TRPS1: variants seen among roughly 807,000 people sequenced by gnomAD.
TRPS1 encodes transcriptional repressor GATA binding 1, also known as zinc finger transcription factor Trps1.
A neutral mutation model predicts 101.2 loss-of-function variants in TRPS1; 6 were observed. That is an observed-to-expected ratio of 0.06 (90% CI 0.03 to 0.12). TRPS1 has a LOEUF of 0.12. Ranked by LOEUF, TRPS1 falls within the 10% of genes least tolerant of loss-of-function variation. TRPS1 has a pLI of 1.00. For missense variants in TRPS1, 1,363 were observed against 1,567.0 expected (o/e 0.87, Z 2.20); for synonymous variants, 578 against 589.8 (o/e 0.98, Z 0.29).
chr8:115,637,832 C>A (rs1487020779), intron 1 of TRPS1, among the ~76,000 whole-genome samples: 6 of 152,202 alleles, frequency 3.9e-5, no homozygotes, highest in Non-Finnish European at 8.8e-5. Flanking sequence ...GATCAACTCA[C>A]TAACTTAGCT....
At chr8:115,620,995 A>T (rs1818380274) in intron 2 of TRPS1, among the ~76,000 whole-genome samples, 1 of 152,234 alleles carries the variant, frequency 6.6e-6, no homozygotes, top group Non-Finnish European at 1.5e-5. Flanking sequence ...GCAGTTTGCT[A>T]TGGTTCACCT....
At chr8:115,438,134 AGT>A (rs1813502768) in intron 5 of TRPS1, among the ~76,000 whole-genome samples, 1 of 152,246 alleles carries the variant, frequency 6.6e-6, no homozygotes, top group African/African-American at 2.4e-5. Flanking sequence ...ATGTAAACCT[AGT>A]ACCATATAGT....
intron 5 of TRPS1, among the ~76,000 whole-genome samples, chr8:115,535,302 T>TAGAGC (rs1563583145): frequency 1.3e-4 from 16 of 121,722 alleles, no homozygotes; most frequent in African/African-American, 2.6e-4. Flanking sequence ...ATAGCATATA[T>TAGAGC]ATAGCATATA....
intron 5 of TRPS1, among the ~76,000 whole-genome samples, chr8:115,489,096 C>T (rs1240594665): frequency 6.6e-6 from 1 of 152,182 alleles, no homozygotes; most frequent in Non-Finnish European, 1.5e-5. Flanking sequence ...TCTCATCCTC[C>T]ACATCCTGCC....
chr8:115,635,300 C>T (rs929710593), intron 1 of TRPS1, among the ~76,000 whole-genome samples: 3 of 151,760 alleles, frequency 2.0e-5, no homozygotes, highest in African/African-American at 4.8e-5. Context: ...TTTTTTTTTC[C>T]CCAGAAACCA....
intron 5 of TRPS1, among the ~76,000 whole-genome samples, chr8:115,572,510 T>A (rs1458846958): frequency 6.6e-6 from 1 of 152,174 alleles, no homozygotes; most frequent in African/African-American, 2.4e-5. Flanking sequence ...ACTCTTTTTT[T>A]CTTGTGCTGT....
chr8:115,509,591 A>G (rs930710994), intron 5 of TRPS1: 3 of 152,090 alleles, frequency 2.0e-5, no homozygotes, highest in Admixed American at 6.6e-5. Context: ...TAATGTTCTT[A>G]TCATTTTACA....
chr8:115,537,211 A>C (rs1037278655), intron 5 of TRPS1, among the ~76,000 whole-genome samples: 1 of 152,200 alleles, frequency 6.6e-6, no homozygotes. Flanking sequence ...TCTAAATCTT[A>C]GATGTTGTGT....
At chr8:115,595,772 T>A (rs1817770862) in intron 4 of TRPS1, among the ~76,000 whole-genome samples, 2 of 151,942 alleles carry the variant, frequency 1.3e-5, no homozygotes, top group Admixed American at 6.6e-5. Context: ...CAAGACTTGA[T>A]AACTGTTCTT....
chr8:115,426,883 G>A (rs1813200553), intron 5 of TRPS1, among the ~76,000 whole-genome samples: 2 of 152,064 alleles, frequency 1.3e-5, no homozygotes, highest in South Asian at 4.1e-4. Context: ...TTTTATTGAT[G>A]AAGTACAAAA....
At chr8:115,442,761 A>T (rs984403361) in intron 5 of TRPS1, among the ~76,000 whole-genome samples, 5 of 151,822 alleles carry the variant, frequency 3.3e-5, no homozygotes, top group African/African-American at 1.2e-4. Context: ...CAGGAGTTTG[A>T]GACCAGCCTG....
At chr8:115,572,567 T>TA (rs1447534039) in intron 5 of TRPS1, among the ~76,000 whole-genome samples, 1 of 152,210 alleles carries the variant, frequency 6.6e-6, no homozygotes, top group Non-Finnish European at 1.5e-5. Context: ...GCAAAAGTCT[T>TA]AAAGAATCAG....
chr8:115,601,919 T>C (rs940502810), intron 4 of TRPS1, among the ~76,000 whole-genome samples: 1 of 152,214 alleles, frequency 6.6e-6, no homozygotes, highest in Non-Finnish European at 1.5e-5. Flanking sequence ...AAAAGAATAG[T>C]TCTCTTTTCT....
At chr8:115,592,541 G>A (rs963418938) in intron 4 of TRPS1, among the ~76,000 whole-genome samples, 2 of 152,004 alleles carry the variant, frequency 1.3e-5, no homozygotes, top group African/African-American at 4.8e-5. Flanking sequence ...AGCAGAAAAG[G>A]CAATTTGCTA....
In TRPS1 at chr8:115,409,872, C is replaced by A. The variant is rs1358652402; in HGVS notation, c.*4151G>T. 1 of 152,138 alleles carries A rather than the reference C, an allele frequency of 6.6e-6. No homozygotes were observed. The highest frequency in any genetic ancestry group is 1.5e-5 in the Non-Finnish European group (1 of 67,942). 9.4% of individuals were successfully genotyped at this position (152,138 alleles called of 1,614,324 possible). ...TTTCTCTTGTGCCTTGGACAGTCAG[C>A]AAGCTTTCACCTTACTGGCTCACCA... On this transcript the variant is annotated 3_prime_UTR_variant, in exon 7 of 7. Coordinates refer to ENST00000395715, the MANE Select transcript of TRPS1 (RefSeq NM_014112.5).
chr8:115,648,095 G>A (rs1811462907), intron 1 of TRPS1, among the ~76,000 whole-genome samples: 1 of 152,106 alleles, frequency 6.6e-6, no homozygotes, highest in Non-Finnish European at 1.5e-5. Flanking sequence ...GTCAAATCAA[G>A]GAGGGGTGGC....
In TRPS1 at chr8:115,414,408, G is replaced by A. The variant is rs973686761; in HGVS notation, c.3500C>T (p.Ser1167Leu). The stretch of plus-strand genomic sequence containing the variant: ...AATGTCATTGTCTGATCCAACAGCT[G>A]AAAAATGAGGAGGCAGATTGAAGGT... ...YPTFNLPPHF[S>L]AVGSDNDIPL... The change falls in exon 7 of 7, where the codon TCA becomes TTA. Residue 1167 changes from serine to leucine, a missense_variant. Physicochemically the swap from Ser to Leu is moderately radical, Grantham distance 145. Around this residue, in one of 5 missense-constraint regions of TRPS1, gnomAD observed 307 missense variants for 392.4 expected, o/e 0.78. Coordinates refer to ENST00000395715, the MANE Select transcript of TRPS1 (RefSeq NM_014112.5). The surrounding 1 kb of genome is among the most constrained non-coding windows in gnomAD (Gnocchi z 4.8). The A allele has an allele frequency of 1.9e-6, 3 of 1,613,972 alleles. No homozygotes were observed. Among genetic ancestry groups the A allele is most frequent in the Non-Finnish European group, 2.5e-6 (3 of 1,179,948 alleles).
At chr8:115,508,885 T>TG (rs1815511162) in intron 5 of TRPS1, among the ~76,000 whole-genome samples, 1 of 151,974 alleles carries the variant, frequency 6.6e-6, no homozygotes. Flanking sequence ...CTTAAGACTT[T>TG]GGGGCATCTT....
intron 5 of TRPS1, among the ~76,000 whole-genome samples, chr8:115,539,406 C>T (rs1000768910): frequency 6.6e-6 from 1 of 152,112 alleles, no homozygotes; most frequent in Non-Finnish European, 1.5e-5. Flanking sequence ...TATGTCTAGT[C>T]CCATCCTCTA....
Sources: allele counts gnomAD v4.1 joint callset (sites outside exome capture counted in the v4.1 genomes callset), GRCh38; gene constraint gnomAD v4.1.1; regional missense constraint gnomAD v4.1.1; non-coding constraint Gnocchi (gnomAD v3.1); transcripts MANE v1.5; gene names NCBI Gene and HGNC (gene_info 2026-07-23, HGNC 2026-07-21).